The following PRPF19 variants were observed in gnomAD, a reference collection of about 807,000 sequenced individuals.
PRPF19 encodes pre-mRNA-processing factor 19.
Under a neutral mutation model 64.2 loss-of-function variants are expected in PRPF19, and 2 were observed. The observed-to-expected ratio is 0.03, with a 90% CI of 0.01 to 0.10. The LOEUF is 0.10. PRPF19 is among the 10% of genes least tolerant of loss of function. PRPF19 has a pLI of 1.00. For missense variants in PRPF19, 314 were observed against 650.0 expected, an observed-to-expected ratio of 0.48 and a Z score of 5.62; for synonymous variants, 226 against 251.6, an observed-to-expected ratio of 0.90 and a Z score of 0.96.
chr11:60,899,923 C>T (rs1855963474), intron 10 of PRPF19, among the ~76,000 whole-genome samples: 1 of 152,144 alleles, frequency 6.6e-6, no homozygotes, highest in South Asian at 2.1e-4. Flanking sequence ...ATTAATACCC[C>T]ATAAGCAAGA....
intron 15 of PRPF19, among the ~76,000 whole-genome samples, chr11:60,895,772 C>T (rs561112640): frequency 6.6e-6 from 1 of 151,986 alleles, no homozygotes; most frequent in Admixed American, 6.6e-5. Flanking sequence ...GGCCATAATA[C>T]GGTTATTAAC....
Position 60,898,636 on chromosome 11 carries a change from AG to A in PRPF19, c.1055-11del. 6.2e-7 allele frequency: 1 copy of A among 1,614,032 alleles called. No individual in the cohort carries two copies. Among genetic ancestry groups the A allele is most frequent in the East Asian group, 2.2e-5 (1 of 44,870 alleles). On this transcript the variant is annotated splice_polypyrimidine_tract_variant and intron_variant, in intron 12 of 15. Coordinates refer to ENST00000227524, the MANE Select transcript of PRPF19 (RefSeq NM_014502.5). This position sits in a 1 kb window ranked among gnomAD's most constrained non-coding sequence, Gnocchi z 4.6. ...TGTGCACAGGTGAGAGCTGTGGAGG[AG>A]GGAAGAGAGACCTGTGGTCAGAGCC...
intron 1 of PRPF19, among the ~76,000 whole-genome samples, chr11:60,905,754 G>T (rs1204887811): frequency 6.6e-6 from 1 of 152,226 alleles, no homozygotes; most frequent in Non-Finnish European, 1.5e-5. Context: ...AGGATAAAAT[G>T]AGATCATAGA....
rs1377431396 is a variant in PRPF19, at chr11:60,890,890, G to A, written c.*276C>T. 7 of 564,188 alleles carry A rather than the reference G, an allele frequency of 1.2e-5. No homozygotes were observed. The highest frequency in any genetic ancestry group is 6.1e-5 in the South Asian group (4 of 65,582). The allele number at this position is 564,188 out of a possible 1,614,324, so 34.9% of individuals were successfully genotyped here. ...ACAGCCACCACCACGTCCATTGAAC[G>A]ACAGGAAGGGAGAGGCCCTGGGCTC... is the stretch of plus-strand genomic sequence containing the variant. On this transcript the variant is annotated 3_prime_UTR_variant, in exon 16 of 16. Coordinates refer to ENST00000227524, the MANE Select transcript of PRPF19 (RefSeq NM_014502.5).
intron 6 of PRPF19, among the ~76,000 whole-genome samples, chr11:60,901,841 T>C (rs1855987016): frequency 1.3e-5 from 2 of 151,882 alleles, no homozygotes; most frequent in East Asian, 1.9e-4. Context: ...AGAGCTCCCA[T>C]AGGTCTACAC....
intron 15 of PRPF19, among the ~76,000 whole-genome samples, chr11:60,896,159 G>C (rs959261285): frequency 3.3e-5 from 5 of 152,070 alleles, no homozygotes; most frequent in Non-Finnish European, 7.4e-5. Flanking sequence ...ATAAAGCTAA[G>C]TGCAATAAGA....
At chr11:60,899,017 T>G (rs1855952023) in intron 11 of PRPF19, 86 bp from the exon 12 acceptor site, 1 of 1,510,026 alleles carries the variant, frequency 6.6e-7, no homozygotes, top group Non-Finnish European at 9.0e-7. Context: ...AGCCCCTGGT[T>G]TGGCAAACCC....
At chr11:60,897,688 G>C (rs1855936901) in intron 15 of PRPF19, 158 bp downstream of exon 15, 2 of 614,784 alleles carry the variant, frequency 3.3e-6, no homozygotes, top group South Asian at 4.1e-5. Flanking sequence ...CATGCAGTCT[G>C]ACTCAGTTGC....
In PRPF19 at chr11:60,900,927, C is replaced by A. The variant is rs755828527; in HGVS notation, c.645G>T (p.Gly215=). ...TCCCAGGAATGCTGGCACTGTGCAA[C>A]CCCTTTGCAGAGAGACACACCAAAC... The part of the protein sequence containing the change: ...SKYRQVASHV[G]LHSASIPGIL... The change falls in exon 9 of 16, where the codon GGG becomes GGT. Residue 215 remains glycine, a splice_region_variant and synonymous_variant. Coordinates refer to ENST00000227524, the MANE Select transcript of PRPF19 (RefSeq NM_014502.5). 1 of 1,614,106 alleles carries A rather than the reference C, an allele frequency of 6.2e-7. No individual in the cohort carries two copies. Among genetic ancestry groups the A allele is most frequent in the Non-Finnish European group, 8.5e-7 (1 of 1,180,042 alleles).
chr11:60,891,005 A>C lies in PRPF19; in HGVS notation c.*161T>G. 9.8e-6 allele frequency: 6 copies of C among 611,344 alleles called. No homozygotes were observed. Among genetic ancestry groups the C allele is most frequent in the Non-Finnish European group, 5.8e-6 (2 of 342,990 alleles). The allele number at this position is 611,344 out of a possible 1,614,324, so 37.9% of individuals were successfully genotyped here. On this transcript the variant is annotated 3_prime_UTR_variant, in exon 16 of 16. Coordinates refer to ENST00000227524, the MANE Select transcript of PRPF19 (RefSeq NM_014502.5). ...TGCATGGATGAGGGTGGTCCATGCC[A>C]CCATGGTTCTCAGGCCACCACTCAG...
rs140004740 is a variant in PRPF19 at position 60,891,222 on chromosome 11, C to T, written c.1459G>A (p.Ala487Thr). Residue 487 changes from alanine to threonine, a missense_variant, in exon 16 of 16, where the codon GCC becomes ACC. Physicochemically the swap from Ala to Thr is moderately conservative, Grantham distance 58. Around this residue, in one of 7 missense-constraint regions of PRPF19, gnomAD observed 47 missense variants for 94.5 expected, o/e 0.50. Coordinates refer to ENST00000227524, the MANE Select transcript of PRPF19 (RefSeq NM_014502.5). ...LTTGVAFGHHAKFIASTGMDR... is the reference protein window; with the variant it reads ...LTTGVAFGHHTKFIASTGMDR... ...ATGCCTGTTGAAGCGATGAACTTGG[C>T]GTGATGCCCGAAGGCCACCCCTGTG... 1.7e-4 allele frequency: 276 copies of T among 1,612,558 alleles called. 1 individual carries two copies. The highest frequency in any genetic ancestry group is 1.4e-3 in the African/African-American group (103 of 74,836).
chr11:60,901,163 C>G, intron 8 of PRPF19, 132 bp downstream of exon 8: 5 of 1,096,458 alleles, frequency 4.6e-6, no homozygotes, highest in Non-Finnish European at 6.5e-6. Context: ...GCAGCCCAGG[C>G]GAGAAACAGC....
chr11:60,905,884 T>A (rs1052006603), intron 1 of PRPF19, among the ~76,000 whole-genome samples: 1 of 152,220 alleles, frequency 6.6e-6, no homozygotes, highest in African/African-American at 2.4e-5. Flanking sequence ...CTCTAACTCA[T>A]CATGTGACCT....
rs1219724444 is a variant in PRPF19 at position 60,898,415 on chromosome 11, T to C, written c.1140+126A>G. The stretch of plus-strand genomic sequence containing the variant: ...GGACCCCCCAGACCACACCATCATA[T>C]CACACACGCACAGCCAGTGTCTCTC... On this transcript the variant is annotated intron_variant, in intron 13 of 15. Coordinates refer to ENST00000227524, the MANE Select transcript of PRPF19 (RefSeq NM_014502.5). This position sits in a 1 kb window ranked among gnomAD's most constrained non-coding sequence, Gnocchi z 4.6. The C allele has an allele frequency of 6.5e-7, 1 of 1,534,736 alleles. No individual in the cohort carries two copies. Among genetic ancestry groups the C allele is most frequent in the Non-Finnish European group, 8.8e-7 (1 of 1,134,282 alleles).
In PRPF19 at chr11:60,900,840, G is replaced by A. The variant is rs1855976224; in HGVS notation, c.718+14C>T. Reference sequence around the variant, plus strand: ...TCCCCACTTTGGCCTGCCGGGCTAGGCCCAGACTCTCACCAGTGAGGATCT... The same window carrying A: ...TCCCCACTTTGGCCTGCCGGGCTAGACCCAGACTCTCACCAGTGAGGATCT... On this transcript the variant is annotated intron_variant, in intron 9 of 15. Transcript: ENST00000227524. The A allele has an allele frequency of 1.9e-6, 3 of 1,613,972 alleles. No individual in the cohort carries two copies. Among genetic ancestry groups the A allele is most frequent in the Admixed American group, 1.7e-5 (1 of 60,000 alleles).
At chr11:60,903,381 C>A (rs1856006999) in intron 3 of PRPF19, 78 bp downstream of exon 3, 2 of 1,416,708 alleles carry the variant, frequency 1.4e-6, no homozygotes, top group Admixed American at 2.2e-5. Context: ...ATGCTCCATC[C>A]TTCCTACCCC....
intron 15 of PRPF19, among the ~76,000 whole-genome samples, chr11:60,892,438 C>T (rs572924522): frequency 6.6e-6 from 1 of 152,294 alleles, no homozygotes; most frequent in African/African-American, 2.4e-5. Flanking sequence ...ACCGTTCTGA[C>T]CTATGTATTC....
chr11:60,896,333 C>T (rs901973147), intron 15 of PRPF19, among the ~76,000 whole-genome samples: 4 of 152,166 alleles, frequency 2.6e-5, no homozygotes, highest in Non-Finnish European at 2.9e-5. Context: ...TTGGTGCCCC[C>T]GAAGACCTTC....
intron 1 of PRPF19, 70 bp from the exon 2 acceptor site, chr11:60,903,931 T>C: frequency 3.2e-6 from 5 of 1,553,994 alleles, no homozygotes; most frequent in Non-Finnish European, 4.3e-6. Context: ...CCTCATCTGC[T>C]ATTAGCCCCA....
Sources: allele counts gnomAD v4.1 joint callset (sites outside exome capture counted in the v4.1 genomes callset), GRCh38; gene constraint gnomAD v4.1.1; regional missense constraint gnomAD v4.1.1; non-coding constraint Gnocchi (gnomAD v3.1); transcripts MANE v1.5; gene names NCBI Gene and HGNC (gene_info 2026-07-23, HGNC 2026-07-21).